Variants in RAP1GAP observed in about 807,000 individuals in gnomAD.
RAP1GAP encodes RAP1 GTPase activating protein.
In RAP1GAP, 35 loss-of-function variants were observed where a neutral mutation model predicts 87.2. The ratio of observed to expected loss-of-function variants is 0.40; its 90% CI spans 0.31 to 0.53. The LOEUF is 0.53. Ranked by LOEUF, RAP1GAP falls within the 20% of genes least tolerant of loss-of-function variation. The pLI, the probability that RAP1GAP is intolerant of heterozygous loss-of-function variation, is 0.48. For missense variants in RAP1GAP, 734 were observed against 898.9 expected, an observed-to-expected ratio of 0.82 and a Z score of 2.35; for synonymous variants, 375 against 363.9, an observed-to-expected ratio of 1.03 and a Z score of -0.35.
Position 21,626,291 on chromosome 1 carries a change from G to C in RAP1GAP, c.-19+13C>G, listed in dbSNP as rs1463832191. The stretch of plus-strand genomic sequence containing the variant: ...GCAGACCAGGGGCCGTAGGTATGGA[G>C]GGGGACACTTACCTTAGGGTAGAGT... On this transcript the variant is annotated intron_variant, in intron 3 of 24. Transcript: ENST00000374765. 6.3e-7 allele frequency: 1 copy of C among 1,583,052 alleles called. No homozygotes were observed. Among genetic ancestry groups the C allele is most frequent in the Non-Finnish European group, 8.7e-7 (1 of 1,151,872 alleles).
At chr1:21,612,243 G>T in intron 10 of RAP1GAP, 134 bp from the exon 11 acceptor site, 1 of 728,098 alleles carries the variant, frequency 1.4e-6, no homozygotes. Flanking sequence ...AGCCTGGGAG[G>T]GAGACAGTCC....
chr1:21,618,071 G>A lies in RAP1GAP; in HGVS notation c.67-99C>T, dbSNP rs1295928218. Reference sequence around the variant, plus strand: ...GGCCAGCCTCAGGGCTGAGAGTGCGGATGGGGCCCTGGCCTCATCACCTCT... The same window carrying A: ...GGCCAGCCTCAGGGCTGAGAGTGCGAATGGGGCCCTGGCCTCATCACCTCT... On this transcript the variant is annotated intron_variant, in intron 5 of 24. Coordinates refer to ENST00000374765, the MANE Select transcript of RAP1GAP (RefSeq NM_002885.4). The A allele has an allele frequency of 5.6e-6, 8 of 1,438,732 alleles. No individual in the cohort carries two copies. In the Admixed American group the frequency reaches 1.2e-4, roughly 21 times the overall value. The allele number at this position is 1,438,732 out of a possible 1,614,324, so 89.1% of individuals were successfully genotyped here.
At chr1:21,666,977 A>G (rs1163807269) in intron 1 of RAP1GAP, among the ~76,000 whole-genome samples, 1 of 151,468 alleles carries the variant, frequency 6.6e-6, no homozygotes, top group East Asian at 1.9e-4. Flanking sequence ...TGTCAGGCAG[A>G]GTCGGGGGCA....
At chr1:21,624,164 G>A (rs1040557466) in intron 3 of RAP1GAP, among the ~76,000 whole-genome samples, 4 of 152,122 alleles carry the variant, frequency 2.6e-5, no homozygotes, top group African/African-American at 4.8e-5. Context: ...CTGAATCCCC[G>A]AGTGGAGAAA....
At chr1:21,628,708 G>C (rs908186089) in intron 2 of RAP1GAP, among the ~76,000 whole-genome samples, 1 of 151,540 alleles carries the variant, frequency 6.6e-6, no homozygotes, top group African/African-American at 2.4e-5. Flanking sequence ...GACAGAGTGA[G>C]ACTCCATCTC....
At chr1:21,633,163 G>A (rs1007716391) in intron 2 of RAP1GAP, among the ~76,000 whole-genome samples, 17 of 152,214 alleles carry the variant, frequency 1.1e-4, no homozygotes, top group Non-Finnish European at 2.1e-4. Flanking sequence ...CAGGGCACCA[G>A]AAGTGTGGTG....
At position 21,611,594 on chromosome 1, in the gene RAP1GAP, C is replaced by G. The variant is rs1335727040; in HGVS notation, c.714-13G>C. ...GCCTCCTCGGAACCTGCCCCGGGGCCCCCCAGGCCACGCCTCAGTCTCCAG... is the reference window on the plus strand; with the variant it reads ...GCCTCCTCGGAACCTGCCCCGGGGCGCCCCAGGCCACGCCTCAGTCTCCAG... On this transcript the variant is annotated splice_polypyrimidine_tract_variant and intron_variant, in intron 12 of 24. Transcript: ENST00000374765. 6.2e-7 allele frequency: 1 copy of G among 1,614,024 alleles called. No individual in the cohort carries two copies. Among genetic ancestry groups the G allele is most frequent in the Admixed American group, 1.7e-5 (1 of 60,026 alleles).
In RAP1GAP at chr1:21,610,189, C is replaced by T. The variant is rs200607344; in HGVS notation, c.930G>A (p.Ala310=). 105 of 1,614,160 alleles carry T rather than the reference C, an allele frequency of 6.5e-5. No individual in the cohort carries two copies. The East Asian group carries it at 1.2e-3, about 18-fold the overall frequency. ...CGACGTAGGCATGCAGGAAGTTGGACGCGATCATGTCGGGCACGAAAGGAG... is the reference window on the plus strand; with the variant it reads ...CGACGTAGGCATGCAGGAAGTTGGATGCGATCATGTCGGGCACGAAAGGAG... ...ENTPFVPDMI[A]SNFLHAYVVV... The change falls in exon 14 of 25, where the codon GCG becomes GCA. Residue 310 remains alanine (A), a synonymous_variant. Transcript: ENST00000374765.
intron 1 of RAP1GAP, chr1:21,651,748 G>GCGCCC: frequency 7.0e-7 from 1 of 1,425,044 alleles, no homozygotes; most frequent in Middle Eastern, 2.4e-4. Context: ...ACGCGCGCAC[G>GCGCCC]CGCCCCGCCC....
intron 2 of RAP1GAP, among the ~76,000 whole-genome samples, chr1:21,632,532 G>T (rs968457150): frequency 6.6e-6 from 1 of 152,162 alleles, no homozygotes; most frequent in African/African-American, 2.4e-5. Flanking sequence ...GTGAGCAGCA[G>T]ATCAGGGATA....
intron 20 of RAP1GAP, among the ~76,000 whole-genome samples, chr1:21,600,279 C>T (rs1425502131): frequency 6.6e-6 from 1 of 152,196 alleles, no homozygotes; most frequent in African/African-American, 2.4e-5. Context: ...ATTCCTCCTC[C>T]CAAGGTGAGA....
intron 2 of RAP1GAP, chr1:21,626,848 G>A (rs1048244510): frequency 3.1e-5 from 14 of 455,430 alleles, no homozygotes; most frequent in African/African-American, 1.6e-4. Flanking sequence ...CATAACTGAC[G>A]CTCATTGGGC....
rs1224106120 is a variant in RAP1GAP, at chr1:21,615,098, T to C, written c.292-1009A>G. On this transcript the variant is annotated intron_variant, in intron 7 of 24. Transcript: ENST00000374765. This position sits in a 1 kb window ranked among gnomAD's most constrained non-coding sequence, Gnocchi z 4.5. Reference sequence around the variant, plus strand: ...TTGACATCATCCAGCAGAGAGGGAGTGGCAGGCACTTGATAAGGAGGCCCC... The same window carrying C: ...TTGACATCATCCAGCAGAGAGGGAGCGGCAGGCACTTGATAAGGAGGCCCC... 6.6e-6 allele frequency among the ~76,000 whole-genome samples: 1 copy of C among 151,660 alleles called. No homozygotes were observed. The highest frequency in any genetic ancestry group is 1.5e-5 in the Non-Finnish European group (1 of 67,932).
rs536047353 is a variant in RAP1GAP, at chr1:21,618,657, G to A, written c.66+368C>T. ...AGTTGGAGTCTTCCTGCAACTGCTG[G>A]TCATCACTGGTTTCAGGGAAAACAT... On this transcript the variant is annotated intron_variant, in intron 5 of 24. Coordinates refer to ENST00000374765, the MANE Select transcript of RAP1GAP (RefSeq NM_002885.4). Among the ~76,000 whole-genome samples, 9 of 152,292 alleles carry A rather than the reference G, an allele frequency of 5.9e-5. No individual in the cohort carries two copies. The South Asian group carries it at 1.9e-3, about 32-fold the overall frequency.
chr1:21,601,565 C>G (rs1167804447), intron 20 of RAP1GAP, 119 bp downstream of exon 20: 10 of 652,754 alleles, frequency 1.5e-5, no homozygotes, highest in Admixed American at 9.4e-5. Flanking sequence ...GCCCAGGTCC[C>G]CCTGACACCC....
At chr1:21,655,597 C>T (rs144703611) in intron 1 of RAP1GAP, among the ~76,000 whole-genome samples, 4 of 152,046 alleles carry the variant, frequency 2.6e-5, no homozygotes, top group Non-Finnish European at 4.4e-5. Flanking sequence ...GTTTGAGCCC[C>T]CTTCTTCCTT....
rs2080148630 is a variant in RAP1GAP, at chr1:21,613,903, G to A, written c.395+83C>T. 1 of 1,295,440 alleles carries A rather than the reference G, an allele frequency of 7.7e-7. No individual in the cohort carries two copies. The highest frequency in any genetic ancestry group is 1.3e-5 in the South Asian group (1 of 75,992). 80.2% of individuals were successfully genotyped at this position (1,295,440 alleles called of 1,614,324 possible). ...CTGCCCCTCTATGGGCCTTGATGAA[G>A]AGAGTGGGTCAAATGAGATGGGCTC... On this transcript the variant is annotated intron_variant, in intron 8 of 24. Transcript: ENST00000374765. This position sits in a 1 kb window ranked among gnomAD's most constrained non-coding sequence, Gnocchi z 4.7.
intron 2 of RAP1GAP, among the ~76,000 whole-genome samples, chr1:21,641,606 C>A (rs1232368319): frequency 6.6e-6 from 1 of 152,188 alleles, no homozygotes; most frequent in Non-Finnish European, 1.5e-5. Context: ...TAGACTAGTA[C>A]CTGGCATGTG....
At chr1:21,612,906 C>T (rs944849616) in intron 10 of RAP1GAP, 9 of 511,780 alleles carry the variant, frequency 1.8e-5, no homozygotes, top group Non-Finnish European at 2.5e-5. Context: ...GGTCCCCAAA[C>T]ATCACAGAGG....
Sources: allele counts gnomAD v4.1 joint callset (sites outside exome capture counted in the v4.1 genomes callset), GRCh38; gene constraint gnomAD v4.1.1; non-coding constraint Gnocchi (gnomAD v3.1); transcripts MANE v1.5; gene names NCBI Gene and HGNC (gene_info 2026-07-23, HGNC 2026-07-21).